The following RTKN2 variants were observed in gnomAD, a reference collection of about 807,000 sequenced individuals.
RTKN2 encodes rhotekin 2, also known as rhotekin-2.
RTKN2 carries 69 observed loss-of-function variants against 71.5 expected under a neutral mutation model. The observed-to-expected ratio is 0.96, with a 90% CI of 0.79 to 1.18. The LOEUF (loss-of-function observed/expected upper bound fraction) is 1.18. RTKN2 is among the 50% of genes most tolerant of loss of function. The pLI is 0.00. For missense variants in RTKN2, 724 were observed against 719.7 expected (o/e 1.01, Z -0.07); for synonymous variants, 236 against 236.5 (o/e 1.00, Z 0.02).
At chr10:62,260,024 A>C (rs2133090281) in intron 2 of RTKN2, among the ~76,000 whole-genome samples, 1 of 152,286 alleles carries the variant, frequency 6.6e-6, no homozygotes, top group Non-Finnish European at 1.5e-5. Context: ...TAGTGTCTAT[A>C]CTTATTTTTT....
At chr10:62,219,679 TG>T (rs762359400) in intron 7 of RTKN2, among the ~76,000 whole-genome samples, 2 of 152,048 alleles carry the variant, frequency 1.3e-5, no homozygotes, top group Non-Finnish European at 2.9e-5. Context: ...CTGAGTGTGG[TG>T]GTGTCTGCCT....
Position 62,198,398 on chromosome 10 carries a change from TG to T in RTKN2, c.1339del (p.Gln447LysfsTer70), listed in dbSNP as rs751943264. On this transcript the variant is annotated frameshift_variant, in exon 12 of 12. Transcript: ENST00000373789. LOFTEE classifies it high-confidence loss of function. Reference sequence around the variant, plus strand: ...CCCATTTGTCTCTTCAATTTTTTTTTGTATTATATCCGTTAAACTTTCAAGT... The same window carrying T: ...CCCATTTGTCTCTTCAATTTTTTTTTTATTATATCCGTTAAACTTTCAAGT... ...MKLESLTDII[Q>X]KKIEETNGQF... 6.3e-7 allele frequency: 1 copy of T among 1,587,732 alleles called. No individual in the cohort carries two copies. Among genetic ancestry groups the T allele is most frequent in the East Asian group, 2.2e-5 (1 of 44,752 alleles).
intron 3 of RTKN2, 41 bp from the exon 4 acceptor site, chr10:62,241,236 G>T: frequency 2.3e-6 from 3 of 1,328,622 alleles, no homozygotes; most frequent in Middle Eastern, 1.8e-4. Context: ...AATAATTTTG[G>T]TAAGTTTTAT....
At chr10:62,203,442 T>G (rs555830938) in intron 10 of RTKN2, among the ~76,000 whole-genome samples, 103 of 151,996 alleles carry the variant, frequency 6.8e-4, no homozygotes, top group African/African-American at 2.4e-3. Context: ...CCTCCTGGCT[T>G]CAAGCAATTC....
intron 8 of RTKN2, among the ~76,000 whole-genome samples, chr10:62,186,205 T>TATGCTTTC (rs71022118): frequency 0.22 from 33,754 of 151,916 alleles, 4,657 homozygotes; most frequent in African/African-American, 0.4. Flanking sequence ...TCTTAACGTA[T>TATGCTTTC]ATGCTTTCAT....
In RTKN2 at chr10:62,239,753, T is replaced by C. The variant is rs373537385; in HGVS notation, c.383A>G (p.Tyr128Cys). Residue 128 changes from tyrosine (Y) to cysteine (C), a missense_variant, in exon 5 of 12, where the codon TAT becomes TGT. Tyr to Cys is a radical substitution (Grantham distance 194). Coordinates refer to ENST00000373789, the MANE Select transcript of RTKN2 (RefSeq NM_145307.4). ...HFSNKERSRR[Y>C]AIFCLFKMGA... is the part of the protein sequence containing the mutation. ...CATTTTGAATAAACAAAAAATGGCA[T>C]AGCGTCGTGATCCTGGAGGAAAAAT... The C allele has an allele frequency of 1.9e-6, 3 of 1,576,784 alleles. No homozygotes were observed. The highest frequency in any genetic ancestry group is 1.7e-5 in the Admixed American group (1 of 57,736).
chr10:62,262,896 G>T, intron 1 of RTKN2, 75 bp from the exon 2 acceptor site: 1 of 860,272 alleles, frequency 1.2e-6, no homozygotes, highest in Non-Finnish European at 1.8e-6. Context: ...ATCGAAAATA[G>T]GTATCATAAT....
intron 2 of RTKN2, among the ~76,000 whole-genome samples, chr10:62,260,425 T>C (rs1842752453): frequency 6.6e-6 from 1 of 152,160 alleles, no homozygotes; most frequent in African/African-American, 2.4e-5. Flanking sequence ...TATCTTCACA[T>C]ACAAAATGAA....
intron 3 of RTKN2, among the ~76,000 whole-genome samples, chr10:62,241,606 T>C (rs1007380318): frequency 6.6e-6 from 1 of 152,128 alleles, no homozygotes; most frequent in Admixed American, 6.6e-5. Flanking sequence ...TTTGACAGGG[T>C]CTTGCTCTGT....
At chr10:62,242,542 C>G (rs545359278) in intron 3 of RTKN2, among the ~76,000 whole-genome samples, 36 of 152,112 alleles carry the variant, frequency 2.4e-4, no homozygotes, top group Admixed American at 1.8e-3. Flanking sequence ...TTGAATCCAG[C>G]CACTTTTACT....
In RTKN2 at chr10:62,194,716, G is replaced by C; in HGVS notation, c.*3192C>G. 1 of 985,388 alleles carries C rather than the reference G, an allele frequency of 1.0e-6. No individual in the cohort carries two copies. Among genetic ancestry groups the C allele is most frequent in the Non-Finnish European group, 1.2e-6 (1 of 829,906 alleles). 61.0% of individuals were successfully genotyped at this position (985,388 alleles called of 1,614,324 possible). On this transcript the variant is annotated 3_prime_UTR_variant, in exon 12 of 12. Transcript: ENST00000373789. The stretch of plus-strand genomic sequence containing the variant: ...TTAATTAACTTCTCAGTAGGGGGCT[G>C]AGGTGCTGAACATAAGCCTAAAGAA...
At chr10:62,268,468 C>T in intron 1 of RTKN2, 83 bp downstream of exon 1, 2 of 1,311,462 alleles carry the variant, frequency 1.5e-6, no homozygotes. Context: ...AGAGGCTTTC[C>T]CGACTCCTCC....
chr10:62,185,225 G>A (rs7908029), intron 8 of RTKN2, among the ~76,000 whole-genome samples: 47,060 of 151,326 alleles, frequency 0.31, 7,985 homozygotes, highest in African/African-American at 0.46. Flanking sequence ...CTCATAATTT[G>A]TATGGCAGAT....
At position 62,194,747 on chromosome 10, in the gene RTKN2, T is replaced by C. The variant is rs1841288734; in HGVS notation, c.*3161A>G. The C allele has an allele frequency of 1.0e-6, 1 of 985,290 alleles. No individual in the cohort carries two copies. 61.0% of individuals were successfully genotyped at this position (985,290 alleles called of 1,614,324 possible). ...CTGAACATAAGCCTAAAGAAATACT[T>C]GACTGCTTAACCTACCTTACGTGAG... is the stretch of plus-strand genomic sequence containing the variant. On this transcript the variant is annotated 3_prime_UTR_variant, in exon 12 of 12. Coordinates refer to ENST00000373789, the MANE Select transcript of RTKN2 (RefSeq NM_145307.4).
chr10:62,194,356 A>C lies in RTKN2; in HGVS notation c.*3552T>G. 1.0e-6 allele frequency: 1 copy of C among 984,912 alleles called. No homozygotes were observed. Among genetic ancestry groups the C allele is most frequent in the Non-Finnish European group, 1.2e-6 (1 of 829,438 alleles). The allele number at this position is 984,912 out of a possible 1,614,324, so 61.0% of individuals were successfully genotyped here. A position where few individuals can be genotyped will look rare whatever the true frequency, so the allele number is the denominator to read the frequency against. On this transcript the variant is annotated 3_prime_UTR_variant, in exon 12 of 12. Coordinates refer to ENST00000373789, the MANE Select transcript of RTKN2 (RefSeq NM_145307.4). ...CATGTAAACATATGTAAACATTTAA[A>C]AATAGTGATGCCTTTGAAATGTAAG...
chr10:62,204,988 T>A lies in RTKN2; in HGVS notation c.1055A>T (p.Lys352Met). The A allele has an allele frequency of 6.3e-7, 1 of 1,599,892 alleles. No individual in the cohort carries two copies. The highest frequency in any genetic ancestry group is 8.5e-7 in the Non-Finnish European group (1 of 1,176,042). ...GACAGAGAAATTATGGATTCTTTTC[T>A]TGGCATCCTTATCCATTGCCCGGAT... ...TRIRAMDKDA[K>M]KRIHNFSVIN... The change falls in exon 10 of 12, where the codon AAG becomes ATG. Residue 352 changes from lysine to methionine, a missense_variant. Coordinates refer to ENST00000373789, the MANE Select transcript of RTKN2 (RefSeq NM_145307.4).
intron 9 of RTKN2, 83 bp from the exon 10 acceptor site, chr10:62,205,105 T>C (rs992235220): frequency 1.1e-5 from 11 of 1,020,422 alleles, no homozygotes; most frequent in South Asian, 6.3e-5. Flanking sequence ...TTAGCTACCA[T>C]ATTTATACCT....
chr10:62,205,130 C>T (rs1291589751), intron 9 of RTKN2, 108 bp from the exon 10 acceptor site: 1 of 800,916 alleles, frequency 1.2e-6, no homozygotes, highest in African/African-American at 1.8e-5. Flanking sequence ...TAACCATAAT[C>T]TTATTGCTGA....
At chr10:62,199,888 T>C (rs748360621) in intron 10 of RTKN2, 27 bp from the exon 11 acceptor site, 6 of 1,383,542 alleles carry the variant, frequency 4.3e-6, no homozygotes, top group Non-Finnish European at 6.1e-6. Context: ...AAAGGTAGAC[T>C]AGTTTAAAAC....
Sources: allele counts gnomAD v4.1 joint callset (sites outside exome capture counted in the v4.1 genomes callset), GRCh38; gene constraint gnomAD v4.1.1; transcripts MANE v1.5; gene names NCBI Gene and HGNC (gene_info 2026-07-23, HGNC 2026-07-21).